Variants in MIA3 observed in about 807,000 individuals in gnomAD.
The protein encoded by MIA3 is MIA SH3 domain ER export factor 3.
Under a neutral mutation model 192.4 loss-of-function variants are expected in MIA3, and 90 were observed. That is an observed-to-expected ratio of 0.47 (90% CI 0.39 to 0.56). MIA3 has a LOEUF of 0.56. Ranked by LOEUF, MIA3 falls within the 20% of genes least tolerant of loss-of-function variation. MIA3 has a pLI of 0.00. For synonymous variants in MIA3, 740 were observed against 792.8 expected, an observed-to-expected ratio of 0.93 and a Z score of 1.12; for missense variants, 2,123 against 2,269.4, an observed-to-expected ratio of 0.94 and a Z score of 1.31.
At chr1:222,630,522 C>A in intron 4 of MIA3, 133 bp downstream of exon 4, 1 of 805,806 alleles carries the variant, frequency 1.2e-6, no homozygotes, top group Non-Finnish European at 1.9e-6. Context: ...GGGAGGTCCA[C>A]ATGTTCCTTC....
rs142088763 is a variant in MIA3, at chr1:222,628,319, A to T, written c.1099A>T (p.Thr367Ser). 19,522 of 1,613,746 alleles carry T rather than the reference A, an allele frequency of 0.012. 172 individuals are homozygous for T. Among genetic ancestry groups the T allele is most frequent in the Non-Finnish European group, 0.015 (17,899 of 1,179,916 alleles). Reference protein sequence around the residue: ...NSNEEDKVQLTVPPGIKNDDK... With the variant: ...NSNEEDKVQLSVPPGIKNDDK... ...AAATGAAGAGGACAAGGTTCAGCTA[A>T]CTGTGCCCCCTGGCATCAAAAATGA... The change falls in exon 4 of 28, where the codon ACT (threonine) becomes TCT (serine). Residue 367 changes from threonine (T) to serine (S), a missense_variant. This residue lies in a region of MIA3 where 1,357 missense variants were observed against 1,396.1 expected (regional missense o/e 0.97). Transcript: ENST00000344922.
intron 2 of MIA3, among the ~76,000 whole-genome samples, chr1:222,623,270 GTT>G (rs547728674): frequency 3.5e-5 from 5 of 144,124 alleles, no homozygotes; most frequent in African/African-American, 1.3e-4. Flanking sequence ...GTGAGCCTAT[GTT>G]TTTTTTTTTG....
chr1:222,628,477 A>T lies in MIA3; in HGVS notation c.1257A>T (p.Leu419Phe), dbSNP rs914626945. The change falls in exon 4 of 28, where the codon TTA (leucine) becomes TTT (phenylalanine). Residue 419 changes from leucine (L) to phenylalanine (F), a missense_variant. Coordinates refer to ENST00000344922, the MANE Select transcript of MIA3 (RefSeq NM_198551.4). ...EEEKEDDDDALVPDSKQGKPQ... is the reference protein window; with the variant it reads ...EEEKEDDDDAFVPDSKQGKPQ... ...AAAAAGAAGATGATGATGATGCATTAGTCCCAGATAGCAAACAGGGGAAAC... is the reference window on the plus strand; with the variant it reads ...AAAAAGAAGATGATGATGATGCATTTGTCCCAGATAGCAAACAGGGGAAAC... 3 of 1,613,126 alleles carry T rather than the reference A, an allele frequency of 1.9e-6. No individual in the cohort carries two copies. Among genetic ancestry groups the T allele is most frequent in the African/African-American group, 1.3e-5 (1 of 74,928 alleles).
In MIA3 at chr1:222,618,241, GC is replaced by G; in HGVS notation, c.132del (p.Ser44ArgfsTer3). Reference protein sequence around the residue: ...EHKLCADDECSMLMYRGEALE... With the variant: ...EHKLCADDECXMLMYRGEALE... ...AAACTCTGCGCGGACGACGAATGCA[GC>G]AGTGAGTGCGCTGGAGGGGCGGCTG... On this transcript the variant is annotated frameshift_variant and splice_region_variant, in exon 1 of 28. Transcript: ENST00000344922. LOFTEE classifies it high-confidence loss of function. 1 of 1,470,172 alleles carries G rather than the reference GC, an allele frequency of 6.8e-7. No homozygotes were observed. The highest frequency in any genetic ancestry group is 9.1e-7 in the Non-Finnish European group (1 of 1,103,318). 91.1% of individuals were successfully genotyped at this position (1,470,172 alleles called of 1,614,324 possible).
At chr1:222,634,917 C>T (rs1479565304) in intron 6 of MIA3, among the ~76,000 whole-genome samples, 1 of 152,208 alleles carries the variant, frequency 6.6e-6, no homozygotes, top group African/African-American at 2.4e-5. Flanking sequence ...ATAATACATA[C>T]TCCAATTGTT....
chr1:222,634,599 T>TC (rs1662549914), intron 6 of MIA3, among the ~76,000 whole-genome samples: 1 of 152,086 alleles, frequency 6.6e-6, no homozygotes. Flanking sequence ...AGGACTTAGC[T>TC]CCCCCTTGTG....
At chr1:222,647,907 T>C in intron 7 of MIA3, 1 of 376,110 alleles carries the variant, frequency 2.7e-6, no homozygotes, top group Non-Finnish European at 5.6e-6. Context: ...CTGGAATTAT[T>C]ATGTATACAG....
chr1:222,628,997 G>C lies in MIA3; in HGVS notation c.1777G>C (p.Asp593His), dbSNP rs760189919. ...MGDDHPNASR[D>H]SVEGDALVNG... ...AGATGACCACCCTAACGCATCCAGA[G>C]ACAGTGTGGAGGGAGACGCTTTGGT... Residue 593 changes from aspartate (D) to histidine (H), a missense_variant, in exon 4 of 28, where the codon GAC becomes CAC. Physicochemically the swap from Asp to His is moderately conservative, Grantham distance 81. Coordinates refer to ENST00000344922, the MANE Select transcript of MIA3 (RefSeq NM_198551.4). 6.2e-7 allele frequency: 1 copy of C among 1,614,212 alleles called. No individual in the cohort carries two copies. The highest frequency in any genetic ancestry group is 1.7e-5 in the Admixed American group (1 of 60,024).
intron 18 of MIA3, 95 bp downstream of exon 18, chr1:222,654,888 T>C (rs1663635071): frequency 9.5e-7 from 1 of 1,055,624 alleles, no homozygotes; most frequent in Non-Finnish European, 1.4e-6. Flanking sequence ...AGGATTGTAC[T>C]CTTTTGCATC....
At position 222,628,116 on chromosome 1, in the gene MIA3, T is replaced by A; in HGVS notation, c.896T>A (p.Leu299Ter). The change falls in exon 4 of 28, where the codon TTA becomes TAA. Residue 299 changes from leucine (L) to a stop codon, truncating the protein, a stop_gained. Transcript: ENST00000344922. LOFTEE classifies it high-confidence loss of function. ...DDETTRLVTS[L>*]EDDFDEELDT... is the part of the protein sequence containing the mutation. ...GAGACAACCAGACTCGTTACTTCATTAGAAGATGATTTTGATGAGGAATTG... is the reference window on the plus strand; with the variant it reads ...GAGACAACCAGACTCGTTACTTCATAAGAAGATGATTTTGATGAGGAATTG... The A allele has an allele frequency of 3.7e-6, 6 of 1,613,968 alleles. No individual in the cohort carries two copies. Among genetic ancestry groups the A allele is most frequent in the Non-Finnish European group, 5.1e-6 (6 of 1,180,012 alleles).
At position 222,650,323 on chromosome 1, in the gene MIA3, G is replaced by A. The variant is rs1350759157; in HGVS notation, c.3663G>A (p.Lys1221=). 6.2e-7 allele frequency: 1 copy of A among 1,606,632 alleles called. No individual in the cohort carries two copies. The highest frequency in any genetic ancestry group is 8.5e-7 in the Non-Finnish European group (1 of 1,174,718). The change falls in exon 9 of 28, where the codon AAG becomes AAA. Residue 1221 remains lysine, a synonymous_variant. Transcript: ENST00000344922. ...AACAGCAAATTTCTGAGAAGTTGAA[G>A]ACTATCATGAAAGAAAATACAGAAC... ...VTEQQISEKL[K]TIMKENTELV...
intron 6 of MIA3, among the ~76,000 whole-genome samples, chr1:222,637,176 G>A (rs1165504249): frequency 3.9e-5 from 6 of 152,148 alleles, no homozygotes; most frequent in Admixed American, 2.6e-4. Context: ...AAACAGTTTT[G>A]TTTGGCTTCT....
rs929132373 is a variant in MIA3 at position 222,628,122 on chromosome 1, A to T, written c.902A>T (p.Asp301Val). 1.9e-6 allele frequency: 3 copies of T among 1,613,978 alleles called. No individual in the cohort carries two copies. The highest frequency in any genetic ancestry group is 2.5e-6 in the Non-Finnish European group (3 of 1,180,026). ...ACCAGACTCGTTACTTCATTAGAAGATGATTTTGATGAGGAATTGGATACT... is the reference window on the plus strand; with the variant it reads ...ACCAGACTCGTTACTTCATTAGAAGTTGATTTTGATGAGGAATTGGATACT... ...ETTRLVTSLE[D>V]DFDEELDTEY... The change falls in exon 4 of 28, where the codon GAT becomes GTT. Residue 301 changes from aspartate to valine, a missense_variant. Asp to Val is a radical substitution (Grantham distance 152, BLOSUM62 -3). Coordinates refer to ENST00000344922, the MANE Select transcript of MIA3 (RefSeq NM_198551.4).
chr1:222,662,385 C>T, intron 26 of MIA3, 53 bp downstream of exon 26: 5 of 1,587,400 alleles, frequency 3.1e-6, no homozygotes, highest in Non-Finnish European at 4.3e-6. Context: ...TTAGCTCTTC[C>T]TACAACTCTC....
At chr1:222,656,469 TTC>T (rs1663735825) in intron 18 of MIA3, among the ~76,000 whole-genome samples, 1 of 152,276 alleles carries the variant, frequency 6.6e-6, no homozygotes, top group Non-Finnish European at 1.5e-5. Flanking sequence ...ATTTTCTCTT[TTC>T]TCTTTTTTCA....
chr1:222,618,153 C>T lies in MIA3; in HGVS notation c.43C>T (p.Arg15Trp). 2 of 1,509,802 alleles carry T rather than the reference C, an allele frequency of 1.3e-6. No individual in the cohort carries two copies. Among genetic ancestry groups the T allele is most frequent in the Non-Finnish European group, 1.8e-6 (2 of 1,130,246 alleles). The allele number at this position is 1,509,802 out of a possible 1,614,324, so 93.5% of individuals were successfully genotyped here. A position where few individuals can be genotyped will look rare whatever the true frequency, so the allele number is the denominator to read the frequency against. Residue 15 changes from arginine to tryptophan, a missense_variant, in exon 1 of 28, where the codon CGG (arginine) becomes TGG (tryptophan). Around this residue, in one of 3 missense-constraint regions of MIA3, gnomAD observed 1,357 missense variants for 1,396.1 expected, o/e 0.97. Coordinates refer to ENST00000344922, the MANE Select transcript of MIA3 (RefSeq NM_198551.4). The stretch of plus-strand genomic sequence containing the variant: ...GCTGCTCGTCTGGCTGCTCGTGCTC[C>T]GGCTGCCCTGGCGGGTGCCGGGCCA... ...PGLLVWLLVL[R>W]LPWRVPGQLD...
chr1:222,654,960 C>T (rs1663639697), intron 18 of MIA3, among the ~76,000 whole-genome samples, 167 bp downstream of exon 18: 2 of 152,104 alleles, frequency 1.3e-5, no homozygotes, highest in Admixed American at 6.5e-5. Context: ...CTGCATTTTT[C>T]TTTCCTTTCT....
At chr1:222,624,232 A>G (rs1558171235) in intron 2 of MIA3, among the ~76,000 whole-genome samples, 1 of 152,266 alleles carries the variant, frequency 6.6e-6, no homozygotes, top group Non-Finnish European at 1.5e-5. Context: ...ACAAATCTGT[A>G]TAAAAAGTTA....
chr1:222,644,681 A>G, intron 6 of MIA3: 1 of 1,328,308 alleles, frequency 7.5e-7, no homozygotes, highest in Non-Finnish European at 1.1e-6. Flanking sequence ...TGTGCAAAGG[A>G]GAAATGGAGT....
Sources: allele counts gnomAD v4.1 joint callset (sites outside exome capture counted in the v4.1 genomes callset), GRCh38; gene constraint gnomAD v4.1.1; regional missense constraint gnomAD v4.1.1; transcripts MANE v1.5; gene names NCBI Gene and HGNC (gene_info 2026-07-23, HGNC 2026-07-21).